The following ANO4 variants were observed in gnomAD, a reference collection of about 807,000 sequenced individuals.
ANO4 encodes the protein anoctamin 4.
A neutral mutation model predicts 141.9 loss-of-function variants in ANO4; 69 were observed. That is an observed-to-expected ratio of 0.49 (90% CI 0.40 to 0.59). The LOEUF (loss-of-function observed/expected upper bound fraction) is 0.59, where lower values mean the gene tolerates loss of function less well. Among genes scored for constraint, ANO4 ranks in the 20% least tolerant of loss-of-function variants. The pLI is 0.00. For missense variants in ANO4, 894 were observed against 1,162.2 expected (o/e 0.77, Z 3.36); for synonymous variants, 350 against 394.3 (o/e 0.89, Z 1.33).
chr12:100,776,017 A>G (rs2033490102), intron 3 of ANO4, among the ~76,000 whole-genome samples: 1 of 152,192 alleles, frequency 6.6e-6, no homozygotes, highest in Non-Finnish European at 1.5e-5. Flanking sequence ...AATGATGATA[A>G]TAGTTAATAC....
chr12:100,916,259 A>T (rs1302193343), intron 2 of ANO4, among the ~76,000 whole-genome samples: 11 of 152,168 alleles, frequency 7.2e-5, no homozygotes, highest in Non-Finnish European at 1.2e-4. Flanking sequence ...TTTGTTTATT[A>T]TTTGATAAAA....
intron 9 of ANO4, among the ~76,000 whole-genome samples, chr12:101,025,291 A>G (rs370119841): frequency 1.3e-5 from 2 of 152,254 alleles, no homozygotes; most frequent in African/African-American, 2.4e-5. Flanking sequence ...GCTGGGCCCT[A>G]TCTTACCACC....
At chr12:101,086,576 C>A in intron 16 of ANO4, 84 bp from the exon 17 acceptor site, 1 of 1,502,708 alleles carries the variant, frequency 6.7e-7, no homozygotes, top group Non-Finnish European at 9.2e-7. Flanking sequence ...TTCCTTTTCC[C>A]ATCAGAGGAT....
intron 2 of ANO4, among the ~76,000 whole-genome samples, chr12:100,906,747 A>T (rs2040860791): frequency 6.6e-6 from 1 of 152,188 alleles, no homozygotes; most frequent in Non-Finnish European, 1.5e-5. Context: ...GATGTAGTAT[A>T]ACAACTTGAG....
At chr12:100,833,226 CA>C (rs1425318298) in intron 1 of ANO4, among the ~76,000 whole-genome samples, 1 of 152,036 alleles carries the variant, frequency 6.6e-6, no homozygotes, top group East Asian at 1.9e-4. Flanking sequence ...AACTGAAAAG[CA>C]AAAGAATAAT....
At chr12:101,104,727 A>G (rs1333304812) in intron 22 of ANO4, among the ~76,000 whole-genome samples, 1 of 146,066 alleles carries the variant, frequency 6.8e-6, no homozygotes. Context: ...ATATGTTTCA[A>G]GTATGTTCTG....
chr12:101,068,589 TG>T, intron 14 of ANO4: 1 of 1,412,608 alleles, frequency 7.1e-7, no homozygotes. Flanking sequence ...TTCAAAAGTG[TG>T]GTGAAAGTGC....
Position 101,116,596 on chromosome 12 carries a change from C to T in ANO4, c.2451-83C>T, listed in dbSNP as rs1050312778. On this transcript the variant is annotated intron_variant, in intron 24 of 27. Transcript: ENST00000392977. ...TTAAAGGCATTTACAATTGCAGTGA[C>T]GTCTGGGAAGCAGGGTCTTCAGGGA... 25 of 1,591,172 alleles carry T rather than the reference C, an allele frequency of 1.6e-5. No homozygotes were observed. In the East Asian group the frequency reaches 2.5e-4, roughly 16 times the overall value.
At chr12:100,942,231 G>A (rs1477896741) in intron 4 of ANO4, 146 bp from the exon 5 acceptor site, 51 of 777,262 alleles carry the variant, frequency 6.6e-5, no homozygotes, top group Middle Eastern at 3.3e-4. Context: ...CACCCGCCTC[G>A]GCCTCCCAAA....
intron 1 of ANO4, among the ~76,000 whole-genome samples, chr12:100,860,117 C>G (rs2038393340): frequency 6.6e-6 from 1 of 152,096 alleles, no homozygotes; most frequent in African/African-American, 2.4e-5. Flanking sequence ...GCCTTTAAAG[C>G]CTTACTTAAG....
At chr12:101,029,047 A>G (rs1428838909) in intron 9 of ANO4, among the ~76,000 whole-genome samples, 1 of 152,182 alleles carries the variant, frequency 6.6e-6, no homozygotes, top group Admixed American at 6.5e-5. Flanking sequence ...AAAGAAAATA[A>G]TTTTCAACAC....
At chr12:100,875,579 A>C (rs1396060317) in intron 1 of ANO4, among the ~76,000 whole-genome samples, 1 of 152,238 alleles carries the variant, frequency 6.6e-6, no homozygotes, top group Non-Finnish European at 1.5e-5. Context: ...CAACAGCCTC[A>C]TTCACCCAAT....
chr12:100,900,537 T>A (rs919430652), intron 1 of ANO4, among the ~76,000 whole-genome samples: 7 of 148,568 alleles, frequency 4.7e-5, no homozygotes, highest in African/African-American at 1.5e-4. Context: ...CACCTATGAG[T>A]GAGAACATGC....
At chr12:100,758,340 T>A (rs1450989621) in intron 3 of ANO4, among the ~76,000 whole-genome samples, 1 of 152,224 alleles carries the variant, frequency 6.6e-6, no homozygotes, top group Non-Finnish European at 1.5e-5. Context: ...GGGCACCTTC[T>A]TTCTGTACCA....
At chr12:100,867,799 C>T (rs970057606) in intron 1 of ANO4, among the ~76,000 whole-genome samples, 1 of 152,174 alleles carries the variant, frequency 6.6e-6, no homozygotes, top group African/African-American at 2.4e-5. Context: ...CCAAGCTCTG[C>T]AATTCCTCCA....
At chr12:100,800,598 TGAACA>T (rs1179971120) in intron 1 of ANO4, among the ~76,000 whole-genome samples, 2 of 152,260 alleles carry the variant, frequency 1.3e-5, no homozygotes, top group Non-Finnish European at 2.9e-5. Context: ...GTGACCTGAC[TGAACA>T]GAAGAGACAA....
At chr12:100,969,780 C>A (rs2043838853) in intron 5 of ANO4, among the ~76,000 whole-genome samples, 1 of 152,152 alleles carries the variant, frequency 6.6e-6, no homozygotes, top group South Asian at 2.1e-4. Flanking sequence ...TGTCAACATT[C>A]CTAAACTATA....
intron 25 of ANO4, 50 bp downstream of exon 25, chr12:101,116,848 G>T: frequency 6.2e-7 from 1 of 1,612,590 alleles, no homozygotes; most frequent in Non-Finnish European, 8.5e-7. Flanking sequence ...TGGCTCCACC[G>T]TGGGGAGGTT....
chr12:101,025,160 T>A (rs534076766), intron 9 of ANO4, among the ~76,000 whole-genome samples: 1 of 152,280 alleles, frequency 6.6e-6, no homozygotes, highest in African/African-American at 2.4e-5. Flanking sequence ...CTCTCCCACC[T>A]GAAACAATCA....
Sources: gnomAD v4.1 joint callset for allele counts (sites outside exome capture counted in the v4.1 genomes callset) on GRCh38, gnomAD v4.1.1 for gene constraint, MANE v1.5 for transcripts, NCBI Gene and HGNC (gene_info 2026-07-23, HGNC 2026-07-21) for gene names.